NUB1: variants seen among roughly 807,000 people sequenced by gnomAD.
NUB1 encodes NEDD8 ultimate buster 1.
NUB1 carries 41 observed loss-of-function variants against 77.1 expected under a neutral mutation model. The ratio of observed to expected loss-of-function variants is 0.53; its 90% CI spans 0.41 to 0.69. The LOEUF is 0.69. Ranked by LOEUF, NUB1 falls within the 30% of genes least tolerant of loss-of-function variation. The pLI is 0.00. For missense variants in NUB1, 643 were observed against 743.8 expected, an observed-to-expected ratio of 0.86 and a Z score of 1.58; for synonymous variants, 257 against 281.0, an observed-to-expected ratio of 0.91 and a Z score of 0.85.
In NUB1 at chr7:151,356,215, A is replaced by G; in HGVS notation, c.686A>G (p.Glu229Gly). ...AGATCAATCAGAATTCCCCCATCAGAAAGAAAAGTAAGTACTATGAGAAAT... is the reference window on the plus strand; with the variant it reads ...AGATCAATCAGAATTCCCCCATCAGGAAGAAAAGTAAGTACTATGAGAAAT... ...TGRSIRIPPS[E>G]RKALMLAMGY... Residue 229 changes from glutamate (E) to glycine (G), a missense_variant, in exon 7 of 15, where the codon GAA (glutamate) becomes GGA (glycine). Coordinates refer to ENST00000568733, the MANE Select transcript of NUB1 (RefSeq NM_001243351.2). The G allele has an allele frequency of 6.2e-7, 1 of 1,608,708 alleles. No homozygotes were observed. The highest frequency in any genetic ancestry group is 8.5e-7 in the Non-Finnish European group (1 of 1,175,188).
intron 11 of NUB1, 21 bp from the exon 12 acceptor site, chr7:151,374,076 G>A (rs1376028249): frequency 1.3e-6 from 2 of 1,546,232 alleles, no homozygotes; most frequent in African/African-American, 2.8e-5. Context: ...CTTGGGATGG[G>A]ACTTTGCTGT....
At chr7:151,375,786 C>T (rs946923908) in intron 12 of NUB1, 62 bp from the exon 13 acceptor site, 159 of 1,108,034 alleles carry the variant, frequency 1.4e-4, no homozygotes, top group Non-Finnish European at 3.0e-5. Flanking sequence ...CAGGGTGCAG[C>T]GCCTGTCTGA....
At chr7:151,351,169 C>T (rs1358461978) in intron 3 of NUB1, 4 of 438,060 alleles carry the variant, frequency 9.1e-6, no homozygotes, top group East Asian at 4.8e-5. Flanking sequence ...ATGTTAAAGA[C>T]GTCCAGCTGT....
chr7:151,368,961 T>C, intron 11 of NUB1, 74 bp downstream of exon 11: 1 of 1,441,640 alleles, frequency 6.9e-7, no homozygotes, highest in Admixed American at 2.6e-5. Context: ...GGAGTGTTAA[T>C]AACCAGGAAC....
chr7:151,354,971 G>A (rs1393552983), intron 5 of NUB1, among the ~76,000 whole-genome samples: 1 of 152,146 alleles, frequency 6.6e-6, no homozygotes, highest in Non-Finnish European at 1.5e-5. Context: ...CTTGAACTCC[G>A]GGGCTCAAGT....
At position 151,347,011 on chromosome 7, in the gene NUB1, C is replaced by T. The variant is rs139320700; in HGVS notation, c.117+1545C>T. ...TGGGTAGTTAGTGTCAGAATTGAAT[C>T]GTAGGACTTCCAGTTGGTGTCAGAA... On this transcript the variant is annotated intron_variant, in intron 2 of 14. Coordinates refer to ENST00000568733, the MANE Select transcript of NUB1 (RefSeq NM_001243351.2). Among the ~76,000 whole-genome samples, 1,423 of 152,102 alleles carry T rather than the reference C, an allele frequency of 9.4e-3. 10 individuals are homozygous for T. The highest frequency in any genetic ancestry group is 0.027 in the Middle Eastern group (8 of 294).
At chr7:151,374,339 C>T in intron 12 of NUB1, 96 bp downstream of exon 12, 1 of 1,421,024 alleles carries the variant, frequency 7.0e-7, no homozygotes, top group Non-Finnish European at 9.6e-7. Context: ...CGGGCTCACT[C>T]CTATGGGCTG....
chr7:151,367,555 C>T (rs1215405219), intron 9 of NUB1, among the ~76,000 whole-genome samples: 1 of 152,212 alleles, frequency 6.6e-6, no homozygotes, highest in Non-Finnish European at 1.5e-5. Flanking sequence ...CCTGCTGATG[C>T]AGACTCTCTG....
chr7:151,359,663 G>C (rs1372294190), intron 7 of NUB1, among the ~76,000 whole-genome samples: 1 of 152,006 alleles, frequency 6.6e-6, no homozygotes, highest in Admixed American at 6.6e-5. Flanking sequence ...TGTAGTCCTA[G>C]CTGCTCGGCA....
Position 151,358,926 on chromosome 7 carries a change from G to A in NUB1, c.694-1215G>A, listed in dbSNP as rs1055005135. The stretch of plus-strand genomic sequence containing the variant: ...AAAAATACAAAAAAATTAGCCAGGC[G>A]TGGTGGTGGGCGCCTGTAGTCCCAG... On this transcript the variant is annotated intron_variant, in intron 7 of 14. Transcript: ENST00000568733. Among the ~76,000 whole-genome samples, 4 of 151,636 alleles carry A rather than the reference G, an allele frequency of 2.6e-5. No homozygotes were observed. In the East Asian group the frequency reaches 5.9e-4, roughly 22 times the overall value.
intron 11 of NUB1, among the ~76,000 whole-genome samples, chr7:151,370,486 C>T (rs1223108840): frequency 4.6e-5 from 7 of 152,198 alleles, no homozygotes; most frequent in Non-Finnish European, 1.0e-4. Context: ...TTTACTATTA[C>T]TCCACTACCA....
chr7:151,348,067 C>G (rs967163087), intron 2 of NUB1, among the ~76,000 whole-genome samples: 1 of 152,128 alleles, frequency 6.6e-6, no homozygotes, highest in African/African-American at 2.4e-5. Flanking sequence ...TCTGAAAATT[C>G]AAAATTCAAA....
chr7:151,371,798 C>T (rs1231938899), intron 11 of NUB1, among the ~76,000 whole-genome samples: 1 of 152,168 alleles, frequency 6.6e-6, no homozygotes, highest in Non-Finnish European at 1.5e-5. Flanking sequence ...GGCTGGAGGG[C>T]AGTGGCGTGA....
At chr7:151,373,759 C>T (rs1400637966) in intron 11 of NUB1, among the ~76,000 whole-genome samples, 1 of 152,244 alleles carries the variant, frequency 6.6e-6, no homozygotes, top group African/African-American at 2.4e-5. Context: ...AATCCATGCA[C>T]CTCACACCCG....
At chr7:151,368,001 C>T in intron 10 of NUB1, 33 bp downstream of exon 10, 1 of 1,264,332 alleles carries the variant, frequency 7.9e-7, no homozygotes, top group Non-Finnish European at 1.1e-6. Flanking sequence ...CAATTTTCAC[C>T]TCCTTTTAAA....
chr7:151,368,108 A>G, intron 10 of NUB1, 140 bp downstream of exon 10: 1 of 601,980 alleles, frequency 1.7e-6, no homozygotes, highest in South Asian at 2.1e-5. Context: ...TTGAACCAGA[A>G]ACATATTTGT....
intron 1 of NUB1, among the ~76,000 whole-genome samples, chr7:151,344,180 CAAAAAAAAAAAAAAA>C (rs561127147): frequency 0.13 from 5,934 of 45,562 alleles, 527 homozygotes; most frequent in African/African-American, 0.29. Flanking sequence ...GACTCCCTCT[CAAAAAAAAAAAAAAA>C]AAAAAAAAAA....
rs753961182 is a variant in NUB1, at chr7:151,377,008, C to G, written c.1670-39C>G. On this transcript the variant is annotated intron_variant, in intron 14 of 14. Transcript: ENST00000568733. ...GTCGTGCAGTGTCCCCAGGACAATC[C>G]TCACATAATTCACTTACTCCTGCGG... The G allele has an allele frequency of 6.0e-6, 9 of 1,488,936 alleles. No homozygotes were observed. In the Admixed American group the frequency reaches 1.9e-4, roughly 31 times the overall value. The allele number at this position is 1,488,936 out of a possible 1,614,324, so 92.2% of individuals were successfully genotyped here. A position where few individuals can be genotyped will look rare whatever the true frequency, so the allele number is the denominator to read the frequency against.
chr7:151,374,595 A>T (rs1046056839), intron 12 of NUB1: 6 of 336,554 alleles, frequency 1.8e-5, no homozygotes, highest in African/African-American at 1.3e-4. Context: ...CTTGTAGTAT[A>T]ATTGTTTGGC....
Sources: gnomAD v4.1 joint callset for allele counts (sites outside exome capture counted in the v4.1 genomes callset) on GRCh38, gnomAD v4.1.1 for gene constraint, MANE v1.5 for transcripts, NCBI Gene and HGNC (gene_info 2026-07-23, HGNC 2026-07-21) for gene names.